The following ERC1 variants were observed in gnomAD, a reference collection of about 807,000 sequenced individuals.
The protein encoded by ERC1 is RAB6 interacting protein 2.
In ERC1, 56 loss-of-function variants were observed where a neutral mutation model predicts 132.0. That is an observed-to-expected ratio of 0.42 (90% CI 0.34 to 0.53). The LOEUF (loss-of-function observed/expected upper bound fraction) is 0.53. Ranked by LOEUF, ERC1 falls within the 20% of genes least tolerant of loss-of-function variation. The pLI, the probability that ERC1 is intolerant of heterozygous loss-of-function variation, is 0.03. For missense variants in ERC1, 1,202 were observed against 1,349.9 expected (o/e 0.89, Z 1.72); for synonymous variants, 478 against 476.1 (o/e 1.00, Z -0.05).
chr12:1,391,668 C>A (rs74862501), intron 16 of ERC1, among the ~76,000 whole-genome samples: 2 of 152,222 alleles, frequency 1.3e-5, no homozygotes, highest in Non-Finnish European at 2.9e-5. Context: ...ACCTGGTGAG[C>A]ATGGGGCCCG....
chr12:1,339,525 G>A (rs948366220), intron 15 of ERC1, among the ~76,000 whole-genome samples: 11 of 146,622 alleles, frequency 7.5e-5, no homozygotes, highest in East Asian at 6.1e-4. Flanking sequence ...CCGGGTGCCC[G>A]CCCCCATGTA....
chr12:1,034,232 TCA>T (rs1387626604), intron 2 of ERC1, among the ~76,000 whole-genome samples: 2 of 152,068 alleles, frequency 1.3e-5, no homozygotes, highest in East Asian at 3.9e-4. Flanking sequence ...TAATAAAAAA[TCA>T]CAGTTTGATT....
intron 8 of ERC1, among the ~76,000 whole-genome samples, chr12:1,158,533 G>A (rs779555321): frequency 5.3e-5 from 8 of 151,320 alleles, no homozygotes; most frequent in Non-Finnish European, 7.4e-5. Flanking sequence ...GGGTTCAAGC[G>A]ATTCTCCTGC....
At chr12:1,116,101 T>C in intron 7 of ERC1, 68 bp downstream of exon 7, 1 of 1,395,452 alleles carries the variant, frequency 7.2e-7, no homozygotes, top group South Asian at 1.4e-5. Context: ...TTACCTGTGC[T>C]GTTTTTGTTA....
intron 18 of ERC1, among the ~76,000 whole-genome samples, chr12:1,486,101 T>G (rs2094211017): frequency 6.6e-6 from 1 of 152,262 alleles, no homozygotes; most frequent in South Asian, 2.1e-4. Context: ...TATTGTACTT[T>G]TATGGCATGT....
intron 12 of ERC1, among the ~76,000 whole-genome samples, chr12:1,194,304 C>T (rs148197288): frequency 0.025 from 3,819 of 152,128 alleles, 56 homozygotes; most frequent in East Asian, 0.072. Flanking sequence ...GCCTGTAGTC[C>T]CAGCTACTCA....
intron 13 of ERC1, among the ~76,000 whole-genome samples, chr12:1,252,610 G>T (rs992834613): frequency 6.6e-6 from 1 of 152,172 alleles, no homozygotes; most frequent in Non-Finnish European, 1.5e-5. Flanking sequence ...AAATACATCT[G>T]CTTTTGTTTT....
intron 13 of ERC1, among the ~76,000 whole-genome samples, chr12:1,259,834 C>T (rs1279920873): frequency 6.6e-6 from 1 of 152,130 alleles, no homozygotes; most frequent in African/African-American, 2.4e-5. Flanking sequence ...TCTTGGGTAT[C>T]TATTCCCAGA....
At chr12:1,068,450 A>G (rs73035127) in intron 2 of ERC1, among the ~76,000 whole-genome samples, 1,643 of 126,864 alleles carry the variant, frequency 0.013, no homozygotes, top group Non-Finnish European at 0.016. Context: ...CTTATTTATT[A>G]CATACAAAAA....
intron 2 of ERC1, among the ~76,000 whole-genome samples, chr12:1,054,063 G>A (rs370896539): frequency 1.2e-4 from 19 of 152,166 alleles, no homozygotes; most frequent in African/African-American, 4.3e-4. Flanking sequence ...TGATCTTCTA[G>A]ATTCAGAAAA....
chr12:1,379,144 G>A (rs2088306856), intron 16 of ERC1, among the ~76,000 whole-genome samples: 1 of 152,214 alleles, frequency 6.6e-6, no homozygotes, highest in South Asian at 2.1e-4. Flanking sequence ...GTGCTAAGCT[G>A]TCTTTGGGGT....
chr12:1,446,630 T>G (rs2093311176), intron 18 of ERC1, among the ~76,000 whole-genome samples: 1 of 152,230 alleles, frequency 6.6e-6, no homozygotes, highest in Non-Finnish European at 1.5e-5. Flanking sequence ...ATATTAAAGA[T>G]GACAGTGAAA....
At chr12:1,053,748 TTCCC>T (rs1972449882) in intron 2 of ERC1, among the ~76,000 whole-genome samples, 1 of 152,256 alleles carries the variant, frequency 6.6e-6, no homozygotes, top group African/African-American at 2.4e-5. Flanking sequence ...AAAAGAGTCC[TTCCC>T]ATGTTTCCTT....
intron 1 of ERC1, among the ~76,000 whole-genome samples, chr12:1,008,513 G>C (rs1312406371): frequency 6.6e-6 from 1 of 152,058 alleles, no homozygotes; most frequent in African/African-American, 2.4e-5. Context: ...CTGGGCTCAA[G>C]TGATCCATCC....
chr12:1,336,192 T>A (rs186274759), intron 15 of ERC1, among the ~76,000 whole-genome samples: 236 of 152,192 alleles, frequency 1.6e-3, no homozygotes, highest in Middle Eastern at 3.4e-3. Flanking sequence ...AATTTTTTTT[T>A]AAAAAATAAA....
chr12:1,231,121 C>T (rs1335869958), intron 12 of ERC1, among the ~76,000 whole-genome samples: 1 of 150,750 alleles, frequency 6.6e-6, no homozygotes, highest in Non-Finnish European at 1.5e-5. Flanking sequence ...TCCTTTCTCT[C>T]TTGCTGCCTT....
chr12:1,349,660 TA>T (rs57752848), intron 15 of ERC1, among the ~76,000 whole-genome samples: 4,631 of 107,582 alleles, frequency 0.043, 123 homozygotes, highest in African/African-American at 0.1. Context: ...TGAGACCGTC[TA>T]AAAAAAAAAA....
chr12:1,341,424 A>G (rs1362850332), intron 15 of ERC1, among the ~76,000 whole-genome samples: 1 of 152,102 alleles, frequency 6.6e-6, no homozygotes, highest in African/African-American at 2.4e-5. Context: ...AATGTCCATC[A>G]ACGATAGACT....
intron 12 of ERC1, among the ~76,000 whole-genome samples, chr12:1,202,945 T>C (rs1356023165): frequency 6.6e-6 from 1 of 152,224 alleles, no homozygotes; most frequent in African/African-American, 2.4e-5. Flanking sequence ...CCTTTGAACA[T>C]TGTCTGCATT....
Sources: gnomAD v4.1 joint callset for allele counts (sites outside exome capture counted in the v4.1 genomes callset) on GRCh38, gnomAD v4.1.1 for gene constraint, MANE v1.5 for transcripts, NCBI Gene and HGNC (gene_info 2026-07-23, HGNC 2026-07-21) for gene names.